Variants in GARRE1 observed in about 807,000 individuals in gnomAD.
The protein encoded by GARRE1 is granule associated Rac and RHOG effector 1.
A neutral mutation model predicts 103.2 loss-of-function variants in GARRE1; 49 were observed. The observed-to-expected ratio is 0.47, with a 90% CI of 0.38 to 0.60. GARRE1 has a LOEUF of 0.60. Among genes scored for constraint, GARRE1 ranks in the 20% least tolerant of loss-of-function variants. GARRE1 has a pLI of 0.00. For missense variants in GARRE1, 1,199 were observed against 1,370.5 expected, an observed-to-expected ratio of 0.87 and a Z score of 1.98; for synonymous variants, 505 against 532.8, an observed-to-expected ratio of 0.95 and a Z score of 0.72.
At chr19:34,344,806 T>C (rs977423249) in intron 10 of GARRE1, among the ~76,000 whole-genome samples, 1 of 150,768 alleles carries the variant, frequency 6.6e-6, no homozygotes, top group African/African-American at 2.4e-5. Context: ...CCTGAGTAGC[T>C]GGGACTACAG....
intron 1 of GARRE1, among the ~76,000 whole-genome samples, chr19:34,283,692 T>A (rs1438761478): frequency 6.6e-6 from 1 of 152,180 alleles, no homozygotes; most frequent in Admixed American, 6.5e-5. Flanking sequence ...TCTTCTTCAC[T>A]TCAATCGTCT....
intron 3 of GARRE1, among the ~76,000 whole-genome samples, chr19:34,320,813 C>G (rs542440428): frequency 7.9e-5 from 12 of 151,218 alleles, no homozygotes; most frequent in African/African-American, 2.9e-4. Context: ...CCTGTACCTC[C>G]GGGCTCAAGA....
At chr19:34,270,286 T>G (rs1273443685) in intron 1 of GARRE1, among the ~76,000 whole-genome samples, 2 of 152,264 alleles carry the variant, frequency 1.3e-5, no homozygotes, top group Non-Finnish European at 2.9e-5. Flanking sequence ...CTAGGAGTCA[T>G]AGGAACATGA....
rs2145257114 is a variant in GARRE1, at chr19:34,317,055, CCCT to C, written c.496-2848_496-2846del. On this transcript the variant is annotated intron_variant, in intron 2 of 13. Coordinates refer to ENST00000299505, the MANE Select transcript of GARRE1 (RefSeq NM_014686.5). ...GAGCATCCTGTTCTTGATCTGGGGG[CCCT>C]CCTTCAGGCCTTCAGCCATTCCTCA... Among the ~76,000 whole-genome samples the C allele has an allele frequency of 3.9e-5, 6 of 152,344 alleles. No homozygotes were observed. The South Asian group carries it at 1.2e-3, about 32-fold the overall frequency.
At position 34,342,124 on chromosome 19, in the gene GARRE1, A is replaced by T; in HGVS notation, c.2190A>T (p.Gln730His). ...QQQSPKQQQP[Q>H]VQYYQHLLQP... is the part of the protein sequence containing the mutation. Reference sequence around the variant, plus strand: ...AGTCCCCAAAGCAGCAACAACCTCAAGTCCAATACTACCAACACCTACTCC... The same window carrying T: ...AGTCCCCAAAGCAGCAACAACCTCATGTCCAATACTACCAACACCTACTCC... The change falls in exon 10 of 14, where the codon CAA becomes CAT. Residue 730 changes from glutamine to histidine, a missense_variant. By Grantham distance (24) the Gln-to-His change is conservative. Transcript: ENST00000299505. 6.2e-7 allele frequency: 1 copy of T among 1,614,086 alleles called. No individual in the cohort carries two copies. The highest frequency in any genetic ancestry group is 8.5e-7 in the Non-Finnish European group (1 of 1,180,002).
Position 34,352,966 on chromosome 19 carries a change from G to A in GARRE1, c.*11G>A. 6.9e-7 allele frequency: 1 copy of A among 1,453,790 alleles called. No individual in the cohort carries two copies. Among genetic ancestry groups the A allele is most frequent in the Non-Finnish European group, 9.0e-7 (1 of 1,111,132 alleles). 90.1% of individuals were successfully genotyped at this position (1,453,790 alleles called of 1,614,324 possible). On this transcript the variant is annotated 3_prime_UTR_variant, in exon 14 of 14. Coordinates refer to ENST00000299505, the MANE Select transcript of GARRE1 (RefSeq NM_014686.5). Reference sequence around the variant, plus strand: ...CTGCCCCAGTACTGACCCCAGGCCAGCCAGCCTGCCTGCCTGCCTGCCTGC... The same window carrying A: ...CTGCCCCAGTACTGACCCCAGGCCAACCAGCCTGCCTGCCTGCCTGCCTGC...
At chr19:34,298,144 C>T (rs117345025) in intron 1 of GARRE1, among the ~76,000 whole-genome samples, 3,146 of 152,290 alleles carry the variant, frequency 0.021, 54 homozygotes, top group South Asian at 0.036. Context: ...TGTGGTCAAG[C>T]ACGGTGGCTC....
At position 34,327,681 on chromosome 19, in the gene GARRE1, T is replaced by C. The variant is rs1473224461; in HGVS notation, c.847-90T>C. ...GAGTAGTAATTGACCTTTTAATAGC[T>C]ATAGAAATTTAAGATTTCTATTTCC... On this transcript the variant is annotated intron_variant, in intron 4 of 13. Coordinates refer to ENST00000299505, the MANE Select transcript of GARRE1 (RefSeq NM_014686.5). 3 of 1,458,404 alleles carry C rather than the reference T, an allele frequency of 2.1e-6. No homozygotes were observed. In the Admixed American group the frequency reaches 5.4e-5, roughly 26 times the overall value. 90.3% of individuals were successfully genotyped at this position (1,458,404 alleles called of 1,614,324 possible). A position where few individuals can be genotyped will look rare whatever the true frequency, so the allele number is the denominator to read the frequency against.
At position 34,342,123 on chromosome 19, in the gene GARRE1, A is replaced by G; in HGVS notation, c.2189A>G (p.Gln730Arg). The G allele has an allele frequency of 6.2e-7, 1 of 1,613,628 alleles. No homozygotes were observed. ...CAGTCCCCAAAGCAGCAACAACCTCAAGTCCAATACTACCAACACCTACTC... is the reference window on the plus strand; with the variant it reads ...CAGTCCCCAAAGCAGCAACAACCTCGAGTCCAATACTACCAACACCTACTC... ...QQQSPKQQQP[Q>R]VQYYQHLLQP... is the part of the protein sequence containing the mutation. The change falls in exon 10 of 14, where the codon CAA (glutamine) becomes CGA (arginine). Residue 730 changes from glutamine (Q) to arginine (R), a missense_variant. By Grantham distance (43) the Gln-to-Arg change is conservative. Coordinates refer to ENST00000299505, the MANE Select transcript of GARRE1 (RefSeq NM_014686.5).
At position 34,348,996 on chromosome 19, in the gene GARRE1, C is replaced by G; in HGVS notation, c.2688-20C>G. On this transcript the variant is annotated intron_variant, in intron 11 of 13. Transcript: ENST00000299505. ...GGGGCTGCAGGAGGCCCTGGCCCAG[C>G]TTCTCTCTCTGGCTTTCAGGGATGG... is the stretch of plus-strand genomic sequence containing the variant. The G allele has an allele frequency of 6.2e-7, 1 of 1,607,920 alleles. No individual in the cohort carries two copies. Among genetic ancestry groups the G allele is most frequent in the Non-Finnish European group, 8.5e-7 (1 of 1,179,690 alleles).
At chr19:34,327,955 G>A (rs2074119556) in intron 5 of GARRE1, 35 bp from the exon 6 acceptor site, 1 of 1,613,832 alleles carries the variant, frequency 6.2e-7, no homozygotes, top group Non-Finnish European at 8.5e-7. Flanking sequence ...ATGAGCGATG[G>A]GTCACCTCTC....
At chr19:34,306,510 G>A (rs778160629) in intron 2 of GARRE1, among the ~76,000 whole-genome samples, 1 of 152,198 alleles carries the variant, frequency 6.6e-6, no homozygotes, top group Non-Finnish European at 1.5e-5. Context: ...GGAACCAGCA[G>A]GGCATATGTG....
chr19:34,256,035 C>T (rs2073670301), intron 1 of GARRE1, among the ~76,000 whole-genome samples: 1 of 151,702 alleles, frequency 6.6e-6, no homozygotes, highest in Non-Finnish European at 1.5e-5. Context: ...GACAGGGTTT[C>T]GCCCAGTTGA....
chr19:34,273,312 A>G (rs1044906294), intron 1 of GARRE1, among the ~76,000 whole-genome samples: 1 of 152,240 alleles, frequency 6.6e-6, no homozygotes, highest in African/African-American at 2.4e-5. Context: ...TAAAGCTCCA[A>G]GTATAATGCT....
At chr19:34,346,995 C>T (rs923604694) in intron 10 of GARRE1, among the ~76,000 whole-genome samples, 2 of 152,104 alleles carry the variant, frequency 1.3e-5, no homozygotes, top group African/African-American at 4.8e-5. Context: ...GCAATCTTGG[C>T]TCACTGCAAC....
At chr19:34,315,482 C>T (rs1627241) in intron 2 of GARRE1, among the ~76,000 whole-genome samples, 97,834 of 151,892 alleles carry the variant, frequency 0.64, 32,082 homozygotes, top group Admixed American at 0.72. Context: ...GAGGCCAAGG[C>T]GGGTGGATCA....
intron 9 of GARRE1, 43 bp downstream of exon 9, chr19:34,340,035 T>C (rs1350303122): frequency 6.2e-7 from 1 of 1,608,394 alleles, no homozygotes; most frequent in Admixed American, 1.7e-5. Context: ...CGAGGGACAG[T>C]GTGACTATGC....
intron 1 of GARRE1, among the ~76,000 whole-genome samples, chr19:34,271,245 CTTT>C (rs1199086211): frequency 2.8e-5 from 3 of 105,686 alleles, no homozygotes; most frequent in Non-Finnish European, 6.0e-5. Flanking sequence ...TGTGCACTTT[CTTT>C]TTTTTTTTTT....
At chr19:34,272,669 C>G (rs1022041037) in intron 1 of GARRE1, among the ~76,000 whole-genome samples, 1 of 152,158 alleles carries the variant, frequency 6.6e-6, no homozygotes, top group Non-Finnish European at 1.5e-5. Context: ...CTCATCAGTT[C>G]CAAGAAGCTG....
Sources: gnomAD v4.1 joint callset for allele counts (sites outside exome capture counted in the v4.1 genomes callset) on GRCh38, gnomAD v4.1.1 for gene constraint, MANE v1.5 for transcripts, NCBI Gene and HGNC (gene_info 2026-07-23, HGNC 2026-07-21) for gene names.